Variants in KCNIP4 observed in about 807,000 individuals in gnomAD.
KCNIP4 encodes potassium voltage-gated channel interacting protein 4.
In KCNIP4, 12 loss-of-function variants were observed where a neutral mutation model predicts 34.0. The ratio of observed to expected loss-of-function variants is 0.35; its 90% CI spans 0.23 to 0.57. KCNIP4 has a LOEUF of 0.57. Among genes scored for constraint, KCNIP4 ranks in the 20% least tolerant of loss-of-function variants. The probability of loss-of-function intolerance (pLI) is 0.83; values close to 1 mark genes in which losing one functional copy is unlikely to be tolerated. For missense variants in KCNIP4, 238 were observed against 311.7 expected (o/e 0.76, Z 1.78); for synonymous variants, 124 against 102.2 (o/e 1.21, Z -1.29).
At chr4:21,423,611 C>A (rs1263924390) in intron 1 of KCNIP4, among the ~76,000 whole-genome samples, 1 of 152,180 alleles carries the variant, frequency 6.6e-6, no homozygotes, top group African/African-American at 2.4e-5. Context: ...ACTATTTCTA[C>A]ACCTCCTCCC....
At chr4:21,320,633 G>C (rs866600010) in intron 1 of KCNIP4, among the ~76,000 whole-genome samples, 1 of 152,208 alleles carries the variant, frequency 6.6e-6, no homozygotes, top group Admixed American at 6.5e-5. Context: ...TGTGAGCTTT[G>C]CTTGCCTGGC....
chr4:20,837,706 G>T, intron 3 of KCNIP4, among the ~76,000 whole-genome samples: 1 of 139,152 alleles, frequency 7.2e-6, no homozygotes, highest in Non-Finnish European at 1.5e-5. Context: ...CCTTGGAGAT[G>T]GAGTCTCGCT....
At chr4:20,909,223 T>A (rs1245392712) in intron 1 of KCNIP4, among the ~76,000 whole-genome samples, 1 of 152,228 alleles carries the variant, frequency 6.6e-6, no homozygotes, top group East Asian at 1.9e-4. Context: ...CAGGAGTTTT[T>A]AATTTTTTTG....
At chr4:21,113,394 T>A (rs1749394803) in intron 1 of KCNIP4, among the ~76,000 whole-genome samples, 1 of 151,050 alleles carries the variant, frequency 6.6e-6, no homozygotes, top group Non-Finnish European at 1.5e-5. Flanking sequence ...TTGATTTTGT[T>A]CTTTTGCCTT....
At chr4:21,584,817 G>A (rs765238199) in intron 1 of KCNIP4, among the ~76,000 whole-genome samples, 1 of 152,104 alleles carries the variant, frequency 6.6e-6, no homozygotes, top group East Asian at 1.9e-4. Context: ...AGTGATGAGA[G>A]GGAGAAAAGT....
intron 1 of KCNIP4, among the ~76,000 whole-genome samples, chr4:21,606,640 C>A (rs1182510069): frequency 6.6e-6 from 1 of 152,136 alleles, no homozygotes; most frequent in Non-Finnish European, 1.5e-5. Flanking sequence ...GTTACCCAGG[C>A]TGGAGTGCAA....
At chr4:20,919,546 A>T (rs1000466536) in intron 1 of KCNIP4, among the ~76,000 whole-genome samples, 1 of 151,958 alleles carries the variant, frequency 6.6e-6, no homozygotes, top group Non-Finnish European at 1.5e-5. Context: ...TACTAAAAAT[A>T]CAAAAAATTA....
At chr4:21,379,365 C>T (rs148680986) in intron 1 of KCNIP4, among the ~76,000 whole-genome samples, 57 of 152,276 alleles carry the variant, frequency 3.7e-4, no homozygotes, top group African/African-American at 1.3e-3. Context: ...CATGCTTCCT[C>T]TTCAGAGACC....
At chr4:20,753,552 GA>G (rs1754004828) in intron 4 of KCNIP4, among the ~76,000 whole-genome samples, 3 of 152,172 alleles carry the variant, frequency 2.0e-5, no homozygotes, top group Admixed American at 2.0e-4. Flanking sequence ...TTTGTAGAAT[GA>G]AATCAATCTG....
intron 3 of KCNIP4, among the ~76,000 whole-genome samples, chr4:20,837,902 T>C (rs115091800): frequency 0.017 from 2,557 of 151,054 alleles, 69 homozygotes; most frequent in African/African-American, 0.055. Context: ...GGTGGCCAGG[T>C]TGGTCTTGAA....
At chr4:20,835,794 A>G (rs1166482582) in intron 3 of KCNIP4, among the ~76,000 whole-genome samples, 2 of 152,052 alleles carry the variant, frequency 1.3e-5, no homozygotes. Flanking sequence ...AGTTTTCTGC[A>G]TCTTAGTAAA....
intron 3 of KCNIP4, among the ~76,000 whole-genome samples, chr4:20,828,102 A>C (rs1268817880): frequency 6.6e-6 from 1 of 152,142 alleles, no homozygotes; most frequent in Non-Finnish European, 1.5e-5. Flanking sequence ...GATTCTGTAC[A>C]TCCTTTGGAA....
chr4:21,481,252 T>TAGGGCGC (rs1731402649), intron 1 of KCNIP4, among the ~76,000 whole-genome samples: 1 of 152,082 alleles, frequency 6.6e-6, no homozygotes, highest in African/African-American at 2.4e-5. Flanking sequence ...GACCACAAGG[T>TAGGGCGC]AGTAATAGAA....
chr4:20,771,457 C>G (rs1755872083), intron 3 of KCNIP4, among the ~76,000 whole-genome samples: 2 of 152,178 alleles, frequency 1.3e-5, no homozygotes. Context: ...CCTTCTTGTC[C>G]TTGTATTACA....
chr4:21,836,020 T>A (rs1723296235), intron 1 of KCNIP4, among the ~76,000 whole-genome samples: 2 of 152,184 alleles, frequency 1.3e-5, no homozygotes, highest in South Asian at 4.1e-4. Context: ...GGTAAAAGTA[T>A]AAGAAAAAAC....
intron 1 of KCNIP4, among the ~76,000 whole-genome samples, chr4:21,401,248 G>A (rs1279023130): frequency 6.6e-6 from 1 of 152,166 alleles, no homozygotes; most frequent in Non-Finnish European, 1.5e-5. Flanking sequence ...GTACCAGGGG[G>A]AAATATACAG....
At chr4:20,804,879 C>T (rs1421191746) in intron 3 of KCNIP4, among the ~76,000 whole-genome samples, 3 of 152,182 alleles carry the variant, frequency 2.0e-5, no homozygotes, top group African/African-American at 4.8e-5. Flanking sequence ...ATTTAATTTT[C>T]TCTGATTGCA....
At chr4:20,936,640 T>C (rs916901741) in intron 1 of KCNIP4, among the ~76,000 whole-genome samples, 1 of 152,178 alleles carries the variant, frequency 6.6e-6, no homozygotes, top group African/African-American at 2.4e-5. Context: ...ATACTCTCCA[T>C]ATCCTATGAG....
intron 1 of KCNIP4, among the ~76,000 whole-genome samples, chr4:21,711,592 A>G (rs1713734031): frequency 6.6e-6 from 1 of 152,274 alleles, no homozygotes; most frequent in Admixed American, 6.5e-5. Flanking sequence ...AAACATTTTC[A>G]TATACTGCTT....
Sources: gnomAD v4.1 joint callset for allele counts (sites outside exome capture counted in the v4.1 genomes callset) on GRCh38, gnomAD v4.1.1 for gene constraint, MANE v1.5 for transcripts, NCBI Gene and HGNC (gene_info 2026-07-23, HGNC 2026-07-21) for gene names.